The following CAMK1D variants were observed in gnomAD, a reference collection of about 807,000 sequenced individuals.
CAMK1D encodes the protein calcium/calmodulin-dependent protein kinase type 1D.
Under a neutral mutation model 47.7 loss-of-function variants are expected in CAMK1D, and 9 were observed. The observed-to-expected ratio is 0.19, with a 90% CI of 0.11 to 0.33. CAMK1D has a LOEUF of 0.33. Among genes scored for constraint, CAMK1D ranks in the 10% least tolerant of loss-of-function variants. The pLI, the probability that CAMK1D is intolerant of heterozygous loss-of-function variation, is 1.00. For synonymous variants in CAMK1D, 184 were observed against 184.9 expected, an observed-to-expected ratio of 0.99 and a Z score of 0.04; for missense variants, 291 against 488.7, an observed-to-expected ratio of 0.60 and a Z score of 3.81.
At chr10:12,475,334 G>T (rs556518535) in intron 1 of CAMK1D, among the ~76,000 whole-genome samples, 1 of 152,174 alleles carries the variant, frequency 6.6e-6, no homozygotes, top group Non-Finnish European at 1.5e-5. Flanking sequence ...CTGTCTCCAC[G>T]AATTTGACTA....
At chr10:12,819,444 G>A (rs1190985687) in intron 8 of CAMK1D, among the ~76,000 whole-genome samples, 3 of 152,220 alleles carry the variant, frequency 2.0e-5, no homozygotes, top group East Asian at 3.9e-4. Context: ...GGCCTGGCCT[G>A]CTCGGCTCTT....
At chr10:12,664,640 T>C (rs1840372434) in intron 2 of CAMK1D, among the ~76,000 whole-genome samples, 2 of 152,178 alleles carry the variant, frequency 1.3e-5, no homozygotes, top group Non-Finnish European at 1.5e-5. Flanking sequence ...AATTTAGAGA[T>C]TGAGTGATGT....
chr10:12,810,875 T>C (rs577214145), intron 6 of CAMK1D, among the ~76,000 whole-genome samples: 3 of 152,322 alleles, frequency 2.0e-5, no homozygotes, highest in African/African-American at 7.2e-5. Flanking sequence ...GCAAGGACCG[T>C]ATACGAAAAG....
intron 8 of CAMK1D, among the ~76,000 whole-genome samples, chr10:12,822,698 A>C (rs1476456803): frequency 6.6e-6 from 1 of 152,240 alleles, no homozygotes; most frequent in Non-Finnish European, 1.5e-5. Flanking sequence ...TTGGACTGGC[A>C]TCCTTTTCTG....
chr10:12,523,948 T>C (rs1181215628), intron 1 of CAMK1D, among the ~76,000 whole-genome samples: 1 of 152,022 alleles, frequency 6.6e-6, no homozygotes, highest in Non-Finnish European at 1.5e-5. Flanking sequence ...TTGCCCAGGC[T>C]TGGCGCGATC....
intron 3 of CAMK1D, among the ~76,000 whole-genome samples, chr10:12,738,751 A>G (rs1321767605): frequency 1.3e-5 from 2 of 152,060 alleles, no homozygotes; most frequent in Admixed American, 6.6e-5. Flanking sequence ...AGGAGCGCGT[A>G]AAGCCAGGAA....
chr10:12,488,399 G>A (rs945419936), intron 1 of CAMK1D, among the ~76,000 whole-genome samples: 3 of 152,124 alleles, frequency 2.0e-5, no homozygotes, highest in African/African-American at 7.2e-5. Flanking sequence ...AACATAAGCA[G>A]TGACTCCAGT....
At chr10:12,695,060 A>ATAGATACATAGG (rs752062552) in intron 3 of CAMK1D, among the ~76,000 whole-genome samples, 16,686 of 85,172 alleles carry the variant, frequency 0.2, 1,113 homozygotes, top group South Asian at 0.27. Flanking sequence ...AGATAGATAG[A>ATAGATACATAGG]TAGATACATA....
intron 2 of CAMK1D, among the ~76,000 whole-genome samples, chr10:12,658,641 C>G (rs1340825767): frequency 6.6e-6 from 1 of 152,102 alleles, no homozygotes; most frequent in Admixed American, 6.5e-5. Context: ...AATGGCTGGA[C>G]ATCAAGAGGA....
chr10:12,584,831 AAAAG>A (rs1239658743), intron 2 of CAMK1D, among the ~76,000 whole-genome samples: 9 of 152,178 alleles, frequency 5.9e-5, no homozygotes, highest in Admixed American at 5.9e-4. Flanking sequence ...AGAAAAAAGA[AAAAG>A]AAAGGCCCAG....
intron 2 of CAMK1D, among the ~76,000 whole-genome samples, chr10:12,611,937 A>C (rs1038167745): frequency 4.6e-5 from 7 of 152,076 alleles, no homozygotes; most frequent in Non-Finnish European, 8.8e-5. Flanking sequence ...TTATCCTGCT[A>C]ATGCCTTATT....
intron 2 of CAMK1D, among the ~76,000 whole-genome samples, chr10:12,652,001 T>TTG (rs1839985475): frequency 2.7e-5 from 4 of 150,674 alleles, no homozygotes; most frequent in Non-Finnish European, 4.4e-5. Flanking sequence ...GGATGGCCTC[T>TTG]ATCTCCTGAC....
chr10:12,694,297 TATATATAAA>T (rs1385042832), intron 3 of CAMK1D, among the ~76,000 whole-genome samples: 3 of 77,908 alleles, frequency 3.9e-5, no homozygotes, highest in African/African-American at 1.0e-4. Context: ...AAATATATAT[TATATATAAA>T]ATATATAAAA....
chr10:12,809,422 T>C (rs950716523), intron 6 of CAMK1D, among the ~76,000 whole-genome samples: 11 of 152,190 alleles, frequency 7.2e-5, no homozygotes, highest in African/African-American at 2.7e-4. Flanking sequence ...AATCAAGATA[T>C]TGAAGAGAGA....
At chr10:12,425,268 C>CTTTT in intron 1 of CAMK1D, among the ~76,000 whole-genome samples, 1 of 149,698 alleles carries the variant, frequency 6.7e-6, no homozygotes, top group African/African-American at 2.4e-5. Flanking sequence ...CCTTTCTTTT[C>CTTTT]TTTCTTTCTT....
intron 3 of CAMK1D, among the ~76,000 whole-genome samples, chr10:12,725,595 T>G (rs1834589343): frequency 6.6e-6 from 1 of 152,190 alleles, no homozygotes; most frequent in South Asian, 2.1e-4. Context: ...GCAATGTCAA[T>G]TACTACTTTA....
chr10:12,544,323 A>G (rs369505942), intron 1 of CAMK1D, among the ~76,000 whole-genome samples: 10 of 152,346 alleles, frequency 6.6e-5, no homozygotes, highest in Middle Eastern at 3.4e-3. Flanking sequence ...AAAAAATGCA[A>G]TTTTTGAAAC....
chr10:12,731,607 CAGAA>C (rs1351508996), intron 3 of CAMK1D, among the ~76,000 whole-genome samples: 1 of 152,088 alleles, frequency 6.6e-6, no homozygotes, highest in Non-Finnish European at 1.5e-5. Flanking sequence ...GTAAATAAGA[CAGAA>C]AGAAGAGGGA....
At chr10:12,639,377 C>T (rs1015291064) in intron 2 of CAMK1D, among the ~76,000 whole-genome samples, 1 of 152,086 alleles carries the variant, frequency 6.6e-6, no homozygotes. Context: ...CCCAGCTACT[C>T]GGGAGGCTGA....
Sources: allele counts gnomAD v4.1 joint callset (sites outside exome capture counted in the v4.1 genomes callset), GRCh38; gene constraint gnomAD v4.1.1; transcripts MANE v1.5; gene names NCBI Gene and HGNC (gene_info 2026-07-23, HGNC 2026-07-21).